Variants in PRRC2A observed in about 807,000 individuals in gnomAD.
PRRC2A encodes protein PRRC2A.
A neutral mutation model predicts 224.6 loss-of-function variants in PRRC2A; 59 were observed. That is an observed-to-expected ratio of 0.26 (90% CI 0.21 to 0.33). The LOEUF (loss-of-function observed/expected upper bound fraction) is 0.33. Ranked by LOEUF, PRRC2A falls within the 10% of genes least tolerant of loss-of-function variation. The pLI is 1.00. For synonymous variants in PRRC2A, 1,194 were observed against 1,109.5 expected, an observed-to-expected ratio of 1.08 and a Z score of -1.51; for missense variants, 3,095 against 2,880.7, an observed-to-expected ratio of 1.07 and a Z score of -1.70.
chr6:31,637,242 C>T lies in PRRC2A; in HGVS notation c.6251C>T (p.Ser2084Phe). Reference protein sequence around the residue: ...SRTPPTGRSFSGLNSRLKATP... With the variant: ...SRTPPTGRSFFGLNSRLKATP... ...CGCCCTTCTTCCCTTAGGTCCTTCT[C>T]TGGCCTCAATTCCCGTCTCAAGGCC... Residue 2084 changes from serine (S) to phenylalanine (F), a missense_variant, in exon 30 of 31, where the codon TCT becomes TTT. This residue lies in a region of PRRC2A where 662 missense variants were observed against 609.5 expected (regional missense o/e 1.09). Transcript: ENST00000376033. 1 of 1,611,430 alleles carries T rather than the reference C, an allele frequency of 6.2e-7. No homozygotes were observed. Among genetic ancestry groups the T allele is most frequent in the Non-Finnish European group, 8.5e-7 (1 of 1,178,510 alleles).
At chr6:31,621,315 C>G (rs1234565871) in intron 1 of PRRC2A, among the ~76,000 whole-genome samples, 4 of 152,128 alleles carry the variant, frequency 2.6e-5, no homozygotes, top group African/African-American at 9.7e-5. Context: ...CGCCCCTCTT[C>G]GTGTCGAGCC....
rs899955978 is a variant in PRRC2A, at chr6:31,628,043, A to G, written c.1569A>G (p.Ala523=). 3.1e-6 allele frequency: 5 copies of G among 1,612,694 alleles called. No homozygotes were observed. The highest frequency in any genetic ancestry group is 3.4e-6 in the Non-Finnish European group (4 of 1,179,844). The change falls in exon 12 of 31, where the codon GCA becomes GCG. Residue 523 remains alanine (A), a synonymous_variant. Coordinates refer to ENST00000376033, the MANE Select transcript of PRRC2A (RefSeq NM_004638.4). ...AAPSTPAPPP[A]VPKELPAPPA... is the part of the protein sequence containing the mutation. ...CTTCTACCCCAGCTCCACCACCTGC[A>G]GTCCCTAAAGAACTCCCTGCACCTC...
At position 31,625,137 on chromosome 6, in the gene PRRC2A, T is replaced by A. The variant is rs769021746; in HGVS notation, c.464-34T>A. ...TTATAGCATGTCCTCAGGAAATGTCTTCTGTCTCCTGTTCTGCATCCCCAT... is the reference window on the plus strand; with the variant it reads ...TTATAGCATGTCCTCAGGAAATGTCATCTGTCTCCTGTTCTGCATCCCCAT... On this transcript the variant is annotated intron_variant, in intron 5 of 30. Transcript: ENST00000376033. The surrounding 1 kb of genome is among the most constrained non-coding windows in gnomAD (Gnocchi z 4.1). 6.3e-7 allele frequency: 1 copy of A among 1,594,952 alleles called. No homozygotes were observed. Among genetic ancestry groups the A allele is most frequent in the Non-Finnish European group, 8.6e-7 (1 of 1,167,080 alleles).
chr6:31,635,771 A>T, intron 24 of PRRC2A, 22 bp downstream of exon 24: 1 of 1,563,908 alleles, frequency 6.4e-7, no homozygotes, highest in Non-Finnish European at 8.6e-7. Flanking sequence ...TTCCCATTGC[A>T]TGACCCCTTC....
At position 31,631,385 on chromosome 6, in the gene PRRC2A, C is replaced by G. The variant is rs116345584; in HGVS notation, c.2712C>G (p.Arg904=). 1 of 1,606,036 alleles carries G rather than the reference C, an allele frequency of 6.2e-7. No homozygotes were observed. The highest frequency in any genetic ancestry group is 8.5e-7 in the Non-Finnish European group (1 of 1,177,286). The part of the protein sequence containing the change: ...TGPEAGRKPA[R]GVGSGGQGPP... ...CAGAAGCAGGCCGAAAGCCTGCCCG[C>G]GGAGTCGGGAGTGGAGGCCAGGGCC... The change falls in exon 16 of 31, where the codon CGC becomes CGG. Residue 904 remains arginine, a synonymous_variant. Coordinates refer to ENST00000376033, the MANE Select transcript of PRRC2A (RefSeq NM_004638.4). This position sits in a 1 kb window ranked among gnomAD's most constrained non-coding sequence, Gnocchi z 4.5.
chr6:31,629,656 G>A lies in PRRC2A; in HGVS notation c.2065G>A (p.Ala689Thr). The A allele has an allele frequency of 3.1e-6, 5 of 1,611,062 alleles. No homozygotes were observed. Among genetic ancestry groups the A allele is most frequent in the Non-Finnish European group, 4.2e-6 (5 of 1,178,694 alleles). The change falls in exon 14 of 31, where the codon GCT (alanine) becomes ACT (threonine). Residue 689 changes from alanine (A) to threonine (T), a missense_variant. By Grantham distance (58) the Ala-to-Thr change is moderately conservative. Transcript: ENST00000376033. Reference protein sequence around the residue: ...PSPPQPVTLGAVPAPQAPPPP... With the variant: ...PSPPQPVTLGTVPAPQAPPPP... ...ACCACCACAGCCTGTGACCCTGGGGGCTGTGCCAGCTCCACAGGCTCCACC... is the reference window on the plus strand; with the variant it reads ...ACCACCACAGCCTGTGACCCTGGGGACTGTGCCAGCTCCACAGGCTCCACC...
chr6:31,635,034 C>A, intron 21 of PRRC2A, 57 bp downstream of exon 21: 1 of 1,599,496 alleles, frequency 6.3e-7, no homozygotes, highest in Non-Finnish European at 8.5e-7. Flanking sequence ...TTTGGCCCTA[C>A]CTTTTTCTGC....
rs780961849 is a variant in PRRC2A, at chr6:31,625,893, T to G, written c.839+22T>G. The G allele has an allele frequency of 3.8e-6, 6 of 1,582,372 alleles. No homozygotes were observed. The highest frequency in any genetic ancestry group is 5.2e-6 in the Non-Finnish European group (6 of 1,153,214). Reference sequence around the variant, plus strand: ...CCAGGTGAGCAATCCAGGTCTGGGTTTGTGGCTGGGGGCAGGGGAAGCTTA... The same window carrying G: ...CCAGGTGAGCAATCCAGGTCTGGGTGTGTGGCTGGGGGCAGGGGAAGCTTA... On this transcript the variant is annotated intron_variant, in intron 8 of 30. Transcript: ENST00000376033. The surrounding 1 kb of genome is among the most constrained non-coding windows in gnomAD (Gnocchi z 4.1).
Position 31,635,633 on chromosome 6 carries a change from G to A in PRRC2A, c.5425G>A (p.Ala1809Thr), listed in dbSNP as rs981090114. The A allele has an allele frequency of 1.2e-6, 2 of 1,612,632 alleles. No homozygotes were observed. The highest frequency in any genetic ancestry group is 1.7e-6 in the Non-Finnish European group (2 of 1,179,872). The stretch of plus-strand genomic sequence containing the variant: ...GCTGCTTCCCAGTGCTGCTGCCTCT[G>A]CTGAGCCACAATCCAAGAACCTGGA... ...WELLPSAAAS[A>T]EPQSKNLDSG... Residue 1809 changes from alanine to threonine, a missense_variant, in exon 24 of 31, where the codon GCT (alanine) becomes ACT (threonine). Ala to Thr is a moderately conservative substitution (Grantham distance 58). This residue lies in a region of PRRC2A where 662 missense variants were observed against 609.5 expected (regional missense o/e 1.09). Transcript: ENST00000376033.
rs762034199 is a variant in PRRC2A, at chr6:31,631,424, C to T, written c.2751C>T (p.Arg917=). 6.2e-7 allele frequency: 1 copy of T among 1,610,436 alleles called. No individual in the cohort carries two copies. The highest frequency in any genetic ancestry group is 1.1e-5 in the South Asian group (1 of 90,780). ...GAGGCCAGGGCCCCCCACCACCACGCAGAGAGAGTCGCACAGAGACCCGCT... is the reference window on the plus strand; with the variant it reads ...GAGGCCAGGGCCCCCCACCACCACGTAGAGAGAGTCGCACAGAGACCCGCT... ...GSGGQGPPPP[R]RESRTETRWG... The change falls in exon 16 of 31, where the codon CGC becomes CGT. Residue 917 remains arginine (R), a synonymous_variant. Transcript: ENST00000376033. The surrounding 1 kb of genome is among the most constrained non-coding windows in gnomAD (Gnocchi z 4.5).
At position 31,634,220 on chromosome 6, in the gene PRRC2A, C is replaced by T. The variant is rs761522082; in HGVS notation, c.4720-16C>T. 15 of 1,577,788 alleles carry T rather than the reference C, an allele frequency of 9.5e-6. No homozygotes were observed. Among genetic ancestry groups the T allele is most frequent in the South Asian group, 2.3e-5 (2 of 86,364 alleles). The stretch of plus-strand genomic sequence containing the variant: ...CACCCAATTCATGTTTTGCTTCTGG[C>T]CCTTCTCATCTGTAGGAATCTTTGC... On this transcript the variant is annotated splice_polypyrimidine_tract_variant and intron_variant, in intron 18 of 30. Transcript: ENST00000376033.
chr6:31,625,749 T>G lies in PRRC2A; in HGVS notation c.760-43T>G. The G allele has an allele frequency of 1.3e-6, 2 of 1,556,162 alleles. No homozygotes were observed. The highest frequency in any genetic ancestry group is 8.9e-7 in the Non-Finnish European group (1 of 1,127,358). On this transcript the variant is annotated intron_variant, in intron 7 of 30. Coordinates refer to ENST00000376033, the MANE Select transcript of PRRC2A (RefSeq NM_004638.4). The surrounding 1 kb of genome is among the most constrained non-coding windows in gnomAD (Gnocchi z 4.1). Reference sequence around the variant, plus strand: ...GCAGGCTTAAGGAGCTAGAAGGGTATATGACTGTCCCTCTGAGCAGCTACT... The same window carrying G: ...GCAGGCTTAAGGAGCTAGAAGGGTAGATGACTGTCCCTCTGAGCAGCTACT...
At position 31,626,755 on chromosome 6, in the gene PRRC2A, C is replaced by G; in HGVS notation, c.983-17C>G. 1 of 1,560,358 alleles carries G rather than the reference C, an allele frequency of 6.4e-7. No individual in the cohort carries two copies. The highest frequency in any genetic ancestry group is 2.3e-5 in the East Asian group (1 of 42,856). Reference sequence around the variant, plus strand: ...GGGCAGAATGCTTGGGTTACTAATACTCATATTTCCCCTCAGGGGCCCATG... The same window carrying G: ...GGGCAGAATGCTTGGGTTACTAATAGTCATATTTCCCCTCAGGGGCCCATG... On this transcript the variant is annotated splice_polypyrimidine_tract_variant and intron_variant, in intron 9 of 30. Coordinates refer to ENST00000376033, the MANE Select transcript of PRRC2A (RefSeq NM_004638.4).
At chr6:31,626,360 C>T (rs1233803197) in intron 9 of PRRC2A, among the ~76,000 whole-genome samples, 198 bp downstream of exon 9, 2 of 151,612 alleles carry the variant, frequency 1.3e-5, no homozygotes, top group African/African-American at 4.9e-5. Context: ...CAAGACCAGC[C>T]TGGGCAACAC....
chr6:31,634,763 C>T lies in PRRC2A; in HGVS notation c.4946C>T (p.Ser1649Phe). 6.2e-7 allele frequency: 1 copy of T among 1,612,338 alleles called. No individual in the cohort carries two copies. Among genetic ancestry groups the T allele is most frequent in the East Asian group, 2.2e-5 (1 of 44,884 alleles). The change falls in exon 21 of 31, where the codon TCT (serine) becomes TTT (phenylalanine). Residue 1649 changes from serine to phenylalanine, a missense_variant. Physicochemically the swap from Ser to Phe is radical, Grantham distance 155. Coordinates refer to ENST00000376033, the MANE Select transcript of PRRC2A (RefSeq NM_004638.4). ...CTCCACTCCTCTCAGATGAGTCAGT[C>T]TGACAGTGGGGTGGACCTGAGTGGG... ...EDVAGTEMSQ[S>F]DSGVDLSGDS...
chr6:31,635,621 G>C lies in PRRC2A; in HGVS notation c.5413G>C (p.Ala1805Pro), dbSNP rs767025261. 1 of 1,612,574 alleles carries C rather than the reference G, an allele frequency of 6.2e-7. No individual in the cohort carries two copies. The highest frequency in any genetic ancestry group is 8.5e-7 in the Non-Finnish European group (1 of 1,179,760). The change falls in exon 24 of 31, where the codon GCT becomes CCT. Residue 1805 changes from alanine (A) to proline (P), a missense_variant. Physicochemically the swap from Ala to Pro is conservative, Grantham distance 27 (BLOSUM62 -1). Transcript: ENST00000376033. The stretch of plus-strand genomic sequence containing the variant: ...ACGAGACTGGGAGCTGCTTCCCAGT[G>C]CTGCTGCCTCTGCTGAGCCACAATC... ...VSRDWELLPS[A>P]AASAEPQSKN... is the part of the protein sequence containing the mutation.
At chr6:31,626,673 T>G (rs1775947572) in intron 9 of PRRC2A, 99 bp from the exon 10 acceptor site, 1 of 1,038,494 alleles carries the variant, frequency 9.6e-7, no homozygotes, top group Non-Finnish European at 1.4e-6. Context: ...GAGGGAAGGA[T>G]ATTGGCATTG....
chr6:31,631,949 A>G lies in PRRC2A; in HGVS notation c.3276A>G (p.Ser1092=), dbSNP rs1256880350. ...CCAGCGAGACACGGAGCGAGGGTTC[A>G]GAGTATGAGGAAATCCCCAAGCGGC... The part of the protein sequence containing the change: ...RTASETRSEG[S]EYEEIPKRRR... The change falls in exon 16 of 31, where the codon TCA becomes TCG. Residue 1092 remains serine (S), a synonymous_variant. Coordinates refer to ENST00000376033, the MANE Select transcript of PRRC2A (RefSeq NM_004638.4). The surrounding 1 kb of genome is among the most constrained non-coding windows in gnomAD (Gnocchi z 4.5). 6 of 1,612,870 alleles carry G rather than the reference A, an allele frequency of 3.7e-6. No homozygotes were observed. Among genetic ancestry groups the G allele is most frequent in the Non-Finnish European group, 5.1e-6 (6 of 1,179,950 alleles).
intron 14 of PRRC2A, 27 bp from the exon 15 acceptor site, chr6:31,630,564 A>C: frequency 6.2e-7 from 1 of 1,612,128 alleles, no homozygotes; most frequent in Non-Finnish European, 8.5e-7. Context: ...GAATAGGATT[A>C]TTTTTCTTTT....
Sources: allele counts gnomAD v4.1 joint callset (sites outside exome capture counted in the v4.1 genomes callset), GRCh38; gene constraint gnomAD v4.1.1; regional missense constraint gnomAD v4.1.1; non-coding constraint Gnocchi (gnomAD v3.1); transcripts MANE v1.5; gene names NCBI Gene and HGNC (gene_info 2026-07-23, HGNC 2026-07-21).